The following RGPD2 variants were observed in gnomAD, a reference collection of about 807,000 sequenced individuals.
RGPD2 encodes RANBP2 like and GRIP domain containing 2.
Under a neutral mutation model 36.0 loss-of-function variants are expected in RGPD2, and 2 were observed. The observed-to-expected ratio is 0.06, with a 90% CI of 0.02 to 0.17. The LOEUF (loss-of-function observed/expected upper bound fraction) is 0.17. Among genes scored for constraint, RGPD2 ranks in the 10% least tolerant of loss-of-function variants. The pLI is 1.00. For missense variants in RGPD2, 40 were observed against 464.3 expected (o/e 0.09, Z 8.40); for synonymous variants, 19 against 163.8 (o/e 0.12, Z 6.75).
chr2:87,875,787 G>C, the RGPD2 span, among the ~76,000 whole-genome samples: 1 of 152,274 alleles, frequency 6.6e-6, no homozygotes. Flanking sequence ...CAGTAGAAAC[G>C]GTACCAGCTC....
chr2:87,824,856 GGCCGAGGCCGCCGCC>G (rs1418457634), intron 1 of RGPD2: 4 of 79,678 alleles, frequency 5.0e-5, no homozygotes, highest in Non-Finnish European at 1.0e-4. Flanking sequence ...GCCAGGCCGA[GGCCGAGGCCGCCGCC>G]GCCGCCGCCG....
intron 22 of RGPD2, among the ~76,000 whole-genome samples, chr2:87,760,967 CT>C: frequency 6.8e-6 from 1 of 147,064 alleles, no homozygotes. Context: ...CATGTTCCAC[CT>C]TTTGTAATTG....
At chr2:87,978,242 A>G in the RGPD2 span, among the ~76,000 whole-genome samples, 1 of 152,136 alleles carries the variant, frequency 6.6e-6, no homozygotes, top group South Asian at 2.1e-4. Context: ...CACGTCTAGA[A>G]CATGTAAGAA....
chr2:87,879,330 A>G, the RGPD2 span, among the ~76,000 whole-genome samples: 1 of 152,048 alleles, frequency 6.6e-6, no homozygotes, highest in Non-Finnish European at 1.5e-5. Flanking sequence ...TTTAAAATGT[A>G]TAATTAAATT....
chr2:87,853,493 G>T, the RGPD2 span, among the ~76,000 whole-genome samples: 1 of 150,944 alleles, frequency 6.6e-6, no homozygotes, highest in African/African-American at 2.4e-5. Flanking sequence ...CAAAGCACTG[G>T]GATTACATGT....
the RGPD2 span, among the ~76,000 whole-genome samples, chr2:87,830,975 T>C: frequency 8.5e-5 from 13 of 152,294 alleles, no homozygotes. Flanking sequence ...CTACAGCACA[T>C]TAACATAGTT....
the RGPD2 span, among the ~76,000 whole-genome samples, chr2:87,866,719 C>T: frequency 5.3e-5 from 8 of 152,126 alleles, no homozygotes; most frequent in African/African-American, 1.7e-4. Context: ...ACATGTGGGG[C>T]GAGGGGTATG....
At chr2:87,973,270 C>A in the RGPD2 span, among the ~76,000 whole-genome samples, 1 of 148,838 alleles carries the variant, frequency 6.7e-6, no homozygotes, top group Middle Eastern at 3.4e-3. Flanking sequence ...CCCCACACCC[C>A]CCTCCTGCCG....
the RGPD2 span, among the ~76,000 whole-genome samples, chr2:87,841,317 C>T: frequency 6.6e-6 from 1 of 152,078 alleles, no homozygotes; most frequent in African/African-American, 2.4e-5. Flanking sequence ...GACTCTGAAG[C>T]TGAGCAGTTG....
At chr2:87,973,244 C>A in the RGPD2 span, among the ~76,000 whole-genome samples, 1 of 150,468 alleles carries the variant, frequency 6.6e-6, no homozygotes, top group Non-Finnish European at 1.5e-5. Flanking sequence ...GAGCCTGGGG[C>A]AGGGGTGACC....
the RGPD2 span, among the ~76,000 whole-genome samples, chr2:87,883,612 G>C: frequency 6.6e-6 from 1 of 151,900 alleles, no homozygotes; most frequent in Non-Finnish European, 1.5e-5. Context: ...AAAGTGAATT[G>C]ATGGAGAAAC....
chr2:87,842,439 A>G, the RGPD2 span, among the ~76,000 whole-genome samples: 1 of 150,248 alleles, frequency 6.7e-6, no homozygotes, highest in South Asian at 2.1e-4. Context: ...GAGCCAAATC[A>G]TGAGTGAACT....
the RGPD2 span, among the ~76,000 whole-genome samples, chr2:87,879,209 A>T: frequency 2.3e-3 from 343 of 151,982 alleles, 1 homozygote; most frequent in African/African-American, 7.7e-3. Flanking sequence ...TACATAAGAT[A>T]CTTTGATATA....
At chr2:87,915,143 G>A in the RGPD2 span, among the ~76,000 whole-genome samples, 71 of 151,336 alleles carry the variant, frequency 4.7e-4, 1 homozygote, top group Middle Eastern at 3.4e-3. Flanking sequence ...GCAAAACTCC[G>A]TCTCAAAAAA....
the RGPD2 span, among the ~76,000 whole-genome samples, chr2:87,871,389 C>CA: frequency 9.3e-6 from 1 of 107,906 alleles, no homozygotes; most frequent in Non-Finnish European, 1.9e-5. Flanking sequence ...AAAGTGAAAA[C>CA]ACTGAAGTAA....
chr2:87,917,955 AT>A, the RGPD2 span, among the ~76,000 whole-genome samples: 2 of 119,488 alleles, frequency 1.7e-5, 1 homozygote, highest in East Asian at 4.3e-4. Flanking sequence ...TACTTGAAAC[AT>A]TTTGGATCAA....
chr2:87,915,272 G>A, the RGPD2 span, among the ~76,000 whole-genome samples: 3 of 139,710 alleles, frequency 2.1e-5, no homozygotes, highest in African/African-American at 8.2e-5. Flanking sequence ...GTGTGTGTGT[G>A]TGTATATATA....
chr2:87,858,437 T>TC, the RGPD2 span, among the ~76,000 whole-genome samples: 2 of 151,948 alleles, frequency 1.3e-5, no homozygotes, highest in Admixed American at 6.6e-5. Context: ...CTTTTTTTTT[T>TC]CCCCTTTTTT....
At chr2:87,927,376 C>T in the RGPD2 span, among the ~76,000 whole-genome samples, 6 of 124,740 alleles carry the variant, frequency 4.8e-5, 2 homozygotes, top group African/African-American at 1.0e-4. Flanking sequence ...ATTTCAAATG[C>T]GGAGGCTTAC....
Sources: gnomAD v4.1 joint callset for allele counts (sites outside exome capture counted in the v4.1 genomes callset) on GRCh38, gnomAD v4.1.1 for gene constraint, MANE v1.5 for transcripts, NCBI Gene and HGNC (gene_info 2026-07-23, HGNC 2026-07-21) for gene names.